The following UNC79 variants were observed in gnomAD, a reference collection of about 807,000 sequenced individuals.
UNC79 encodes the protein protein unc-79 homolog.
Under a neutral mutation model 283.1 loss-of-function variants are expected in UNC79, and 37 were observed. The observed-to-expected ratio is 0.13, with a 90% CI of 0.10 to 0.17. The LOEUF (loss-of-function observed/expected upper bound fraction) is 0.17, where lower values mean the gene tolerates loss of function less well. UNC79 is among the 10% of genes least tolerant of loss of function. The pLI, the probability that UNC79 is intolerant of heterozygous loss-of-function variation, is 1.00. For synonymous variants in UNC79, 1,107 were observed against 1,200.2 expected (o/e 0.92, Z 1.61); for missense variants, 2,272 against 3,211.1 (o/e 0.71, Z 7.07).
chr14:93,593,578 C>T (rs1265663345), intron 22 of UNC79, 102 bp from the exon 23 acceptor site: 1 of 1,405,268 alleles, frequency 7.1e-7, no homozygotes, highest in African/African-American at 1.4e-5. Context: ...GCACCCCTAC[C>T]CACCGTCTTG....
chr14:93,613,115 C>T (rs748035798), intron 27 of UNC79, 32 bp downstream of exon 28: 5 of 1,609,532 alleles, frequency 3.1e-6, no homozygotes, highest in South Asian at 2.2e-5. Flanking sequence ...AGAAGTCACA[C>T]CTTTATACTT....
intron 1 of UNC79, among the ~76,000 whole-genome samples, chr14:93,357,541 A>T (rs757113144): frequency 2.0e-5 from 3 of 151,468 alleles, no homozygotes; most frequent in Non-Finnish European, 2.9e-5. Flanking sequence ...CCCATACTGG[A>T]TGCTCCTGCC....
intron 26 of UNC79, among the ~76,000 whole-genome samples, chr14:93,605,266 G>A (rs991402356): frequency 7.2e-5 from 11 of 152,082 alleles, no homozygotes; most frequent in African/African-American, 2.7e-4. Flanking sequence ...ATATTTGTAT[G>A]TGTCTTTACA....
At chr14:93,679,465 A>T (rs2073649504) in intron 41 of UNC79, among the ~76,000 whole-genome samples, 1 of 152,178 alleles carries the variant, frequency 6.6e-6, no homozygotes. Flanking sequence ...CTCAAAAAAA[A>T]AAAGTAGATA....
At chr14:93,584,610 C>T (rs575881408) in intron 20 of UNC79, among the ~76,000 whole-genome samples, 2 of 152,338 alleles carry the variant, frequency 1.3e-5, no homozygotes, top group East Asian at 3.9e-4. Context: ...ATTTTTTAAA[C>T]CTAAGCTAGC....
chr14:93,407,903 A>G (rs1421908197), intron 1 of UNC79, among the ~76,000 whole-genome samples: 5 of 152,202 alleles, frequency 3.3e-5, no homozygotes, highest in East Asian at 1.9e-4. Context: ...GAGACAAAAC[A>G]AGAGCACTAG....
chr14:93,579,244 C>A (rs1057436019), intron 18 of UNC79, among the ~76,000 whole-genome samples: 2 of 152,160 alleles, frequency 1.3e-5, no homozygotes, highest in African/African-American at 2.4e-5. Flanking sequence ...ACCAAGAGAC[C>A]AAAATCTGCC....
At chr14:93,403,803 A>G (rs1035356269) in intron 1 of UNC79, among the ~76,000 whole-genome samples, 1 of 152,160 alleles carries the variant, frequency 6.6e-6, no homozygotes, top group Non-Finnish European at 1.5e-5. Flanking sequence ...CTTTTCACCA[A>G]TAAAGGATCC....
chr14:93,585,883 C>CTTTT (rs1233052037), intron 20 of UNC79, among the ~76,000 whole-genome samples: 1 of 138,238 alleles, frequency 7.2e-6, no homozygotes, highest in African/African-American at 2.7e-5. Context: ...CTCTCTCTCT[C>CTTTT]TTTTTTTTTT....
intron 14 of UNC79, among the ~76,000 whole-genome samples, chr14:93,562,266 G>A (rs2141449999): frequency 6.6e-6 from 1 of 152,284 alleles, no homozygotes; most frequent in East Asian, 1.9e-4. Context: ...TTCTTAACAA[G>A]AACTGATTGT....
At chr14:93,450,232 T>G (rs780033887) in intron 1 of UNC79, among the ~76,000 whole-genome samples, 3 of 152,166 alleles carry the variant, frequency 2.0e-5, no homozygotes, top group Non-Finnish European at 2.9e-5. Context: ...TAGAAGTAGG[T>G]CAAAGCAGAA....
chr14:93,343,814 A>G (rs1428371095), intron 1 of UNC79, among the ~76,000 whole-genome samples: 3 of 152,218 alleles, frequency 2.0e-5, no homozygotes, highest in African/African-American at 4.8e-5. Flanking sequence ...TCTCTAGGTT[A>G]TAGCTCTAAT....
intron 1 of UNC79, among the ~76,000 whole-genome samples, chr14:93,380,113 A>C (rs1378770497): frequency 2.6e-5 from 4 of 152,172 alleles, no homozygotes; most frequent in Admixed American, 6.5e-5. Context: ...GCTGGCACGT[A>C]GTAGATGCAT....
chr14:93,621,702 C>G lies in UNC79; in HGVS notation c.4469C>G (p.Pro1490Arg). ...CACTGTGTGAGAGAAGAAAGCATTC[C>G]GAAAAAAAAGCTACGCTCTTTCAAA... Residue 1490 changes from proline to arginine, a missense_variant, in exon 30 of 49, where the codon CCG becomes CGG. Physicochemically the swap from Pro to Arg is moderately radical, Grantham distance 103. Transcript: ENST00000555664. This position sits in a 1 kb window ranked among gnomAD's most constrained non-coding sequence, Gnocchi z 4.8. 1 of 1,613,124 alleles carries G rather than the reference C, an allele frequency of 6.2e-7. No homozygotes were observed. Among genetic ancestry groups the G allele is most frequent in the South Asian group, 1.1e-5 (1 of 90,960 alleles).
intron 32 of UNC79, among the ~76,000 whole-genome samples, chr14:93,639,942 C>A (rs1158026705): frequency 6.6e-6 from 1 of 152,218 alleles, no homozygotes; most frequent in Non-Finnish European, 1.5e-5. Context: ...TTTCTCCCAG[C>A]ACCAAGATAC....
chr14:93,528,784 C>A, intron 9 of UNC79, 138 bp downstream of exon 9: 1 of 793,588 alleles, frequency 1.3e-6, no homozygotes, highest in Non-Finnish European at 2.0e-6. Context: ...TATTCTGATA[C>A]TTAACATATA....
intron 41 of UNC79, among the ~76,000 whole-genome samples, chr14:93,678,848 C>A (rs778459050): frequency 1.3e-5 from 2 of 152,062 alleles, no homozygotes; most frequent in South Asian, 4.1e-4. Flanking sequence ...GAAAAAGAGG[C>A]GTGGAGATAG....
chr14:93,485,186 GTA>G (rs1294951479), intron 4 of UNC79, among the ~76,000 whole-genome samples: 3 of 145,022 alleles, frequency 2.1e-5, no homozygotes, highest in Non-Finnish European at 3.0e-5. Flanking sequence ...ATATATATAT[GTA>G]TATATATGTG....
intron 14 of UNC79, among the ~76,000 whole-genome samples, chr14:93,560,341 A>AT (rs2062466385): frequency 6.6e-6 from 1 of 152,136 alleles, no homozygotes; most frequent in African/African-American, 2.4e-5. Flanking sequence ...TCATTTAAAA[A>AT]TATACAGAGT....
Sources: allele counts gnomAD v4.1 joint callset (sites outside exome capture counted in the v4.1 genomes callset), GRCh38; gene constraint gnomAD v4.1.1; non-coding constraint Gnocchi (gnomAD v3.1); transcripts MANE v1.5; gene names NCBI Gene and HGNC (gene_info 2026-07-23, HGNC 2026-07-21).